JAM3: variants seen among roughly 807,000 people sequenced by gnomAD.
The protein encoded by JAM3 is junctional adhesion molecule 3.
JAM3 carries 31 observed loss-of-function variants against 39.4 expected under a neutral mutation model. That is an observed-to-expected ratio of 0.79 (90% CI 0.59 to 1.06). The LOEUF (loss-of-function observed/expected upper bound fraction) is 1.06, where lower values mean the gene tolerates loss of function less well. Among genes scored for constraint, JAM3 ranks in the 50% least tolerant of loss-of-function variants. The pLI is 0.00. For synonymous variants in JAM3, 182 were observed against 148.7 expected, an observed-to-expected ratio of 1.22 and a Z score of -1.63; for missense variants, 455 against 391.4, an observed-to-expected ratio of 1.16 and a Z score of -1.37.
At chr11:134,095,082 A>C (rs1941953208) in intron 1 of JAM3, among the ~76,000 whole-genome samples, 1 of 152,228 alleles carries the variant, frequency 6.6e-6, no homozygotes, top group Admixed American at 6.5e-5. Context: ...ATTTAGTTAA[A>C]TTTCAGTAAT....
intron 1 of JAM3, among the ~76,000 whole-genome samples, chr11:134,108,640 T>C (rs1004218147): frequency 4.6e-5 from 7 of 152,190 alleles, no homozygotes; most frequent in African/African-American, 1.7e-4. Context: ...GCAAGGTTGG[T>C]TTAACATATG....
chr11:134,136,347 G>A lies in JAM3; in HGVS notation c.77-3504G>A, dbSNP rs765051991. Among the ~76,000 whole-genome samples, 63 of 152,258 alleles carry A rather than the reference G, an allele frequency of 4.1e-4. 1 individual carries two copies. The highest frequency in any genetic ancestry group is 3.4e-3 in the Middle Eastern group (1 of 294). ...ACCCATCTCCTAAGTACTTCTGTCC[G>A]AATCTTATCCCCAGGCATTGGGCAG... On this transcript the variant is annotated intron_variant, in intron 1 of 8. Coordinates refer to ENST00000299106, the MANE Select transcript of JAM3 (RefSeq NM_032801.5).
chr11:134,124,984 G>A (rs1942616768), intron 1 of JAM3, among the ~76,000 whole-genome samples: 2 of 151,818 alleles, frequency 1.3e-5, no homozygotes, highest in South Asian at 2.1e-4. Flanking sequence ...CTGCGGCAGC[G>A]GCGACGACAC....
At chr11:134,121,825 A>G (rs11223701) in intron 1 of JAM3, among the ~76,000 whole-genome samples, 3,382 of 123,190 alleles carry the variant, frequency 0.027, 91 homozygotes, top group African/African-American at 0.091. Context: ...GTGTGCGCAC[A>G]CACACACACA....
intron 1 of JAM3, among the ~76,000 whole-genome samples, chr11:134,106,182 A>G (rs1374537006): frequency 6.6e-6 from 1 of 152,196 alleles, no homozygotes; most frequent in African/African-American, 2.4e-5. Flanking sequence ...GAGCCCTCAG[A>G]AATAATACCA....
At chr11:134,133,126 C>T (rs572886041) in intron 1 of JAM3, among the ~76,000 whole-genome samples, 2 of 152,176 alleles carry the variant, frequency 1.3e-5, no homozygotes, top group African/African-American at 2.4e-5. Context: ...ACCAGAAGTT[C>T]TGCATGTTGG....
chr11:134,120,966 C>T (rs1474242657), intron 1 of JAM3, among the ~76,000 whole-genome samples: 3 of 152,208 alleles, frequency 2.0e-5, no homozygotes, highest in Non-Finnish European at 2.9e-5. Flanking sequence ...GGAAAGCAGG[C>T]GTCATCCTCA....
At chr11:134,129,442 A>G (rs1284919767) in intron 1 of JAM3, among the ~76,000 whole-genome samples, 1 of 152,020 alleles carries the variant, frequency 6.6e-6, no homozygotes, top group East Asian at 1.9e-4. Context: ...TAAGGACACT[A>G]GTCATATTGG....
chr11:134,111,130 C>T (rs979058198), intron 1 of JAM3, among the ~76,000 whole-genome samples: 1 of 131,640 alleles, frequency 7.6e-6, no homozygotes, highest in African/African-American at 3.3e-5. Flanking sequence ...AACACACATC[C>T]ATCTTTTTTT....
At position 134,069,151 on chromosome 11, in the gene JAM3, T is replaced by A; in HGVS notation, c.68T>A (p.Leu23His). Reference protein sequence around the residue: ...ARLPDFFLLLLFRGCLIGAVN... With the variant: ...ARLPDFFLLLHFRGCLIGAVN... ...CTGCCTGACTTCTTCCTGCTGCTGC[T>A]TTTCAGGGGTGAGTTTGCGCGTTTC... Residue 23 changes from leucine (L) to histidine (H), a missense_variant, in exon 1 of 9, where the codon CTT becomes CAT. By Grantham distance (99) the Leu-to-His change is moderately conservative. Coordinates refer to ENST00000299106, the MANE Select transcript of JAM3 (RefSeq NM_032801.5). 1 of 1,612,844 alleles carries A rather than the reference T, an allele frequency of 6.2e-7. No individual in the cohort carries two copies. Among genetic ancestry groups the A allele is most frequent in the Non-Finnish European group, 8.5e-7 (1 of 1,179,368 alleles).
At chr11:134,082,381 A>G (rs1278843463) in intron 1 of JAM3, among the ~76,000 whole-genome samples, 2 of 152,062 alleles carry the variant, frequency 1.3e-5, no homozygotes, top group African/African-American at 4.8e-5. Flanking sequence ...GAGATTTGGG[A>G]GGGGCCAGGG....
rs1943150711 is a variant in JAM3 at position 134,149,504 on chromosome 11, C to T, written c.*323C>T. Reference sequence around the variant, plus strand: ...CTTAAAGAGTTTGCTCACGTAAACGCCCGTGCTGGGCCCTGTGAAGCCAGC... The same window carrying T: ...CTTAAAGAGTTTGCTCACGTAAACGTCCGTGCTGGGCCCTGTGAAGCCAGC... On this transcript the variant is annotated 3_prime_UTR_variant, in exon 9 of 9. Coordinates refer to ENST00000299106, the MANE Select transcript of JAM3 (RefSeq NM_032801.5). The T allele has an allele frequency of 5.9e-6, 3 of 507,778 alleles. No individual in the cohort carries two copies. The East Asian group carries it at 1.3e-4, about 23-fold the overall frequency. The allele number at this position is 507,778 out of a possible 1,614,324, so 31.5% of individuals were successfully genotyped here.
intron 1 of JAM3, among the ~76,000 whole-genome samples, chr11:134,116,531 G>A (rs922296585): frequency 6.6e-6 from 1 of 152,082 alleles, no homozygotes; most frequent in African/African-American, 2.4e-5. Flanking sequence ...AGCTCTTTCA[G>A]GTGGCTGGGA....
chr11:134,079,703 T>G (rs1054586895), intron 1 of JAM3, among the ~76,000 whole-genome samples: 3 of 152,264 alleles, frequency 2.0e-5, no homozygotes, highest in Admixed American at 2.0e-4. Flanking sequence ...CATCCACATT[T>G]CTTTCCCTTT....
intron 1 of JAM3, among the ~76,000 whole-genome samples, chr11:134,091,505 A>G (rs1371901825): frequency 6.8e-6 from 1 of 146,402 alleles, no homozygotes; most frequent in East Asian, 2.3e-4. Context: ...TCTCTAAATA[A>G]ATAGATAGAT....
At chr11:134,124,377 G>GA (rs1420514056) in intron 1 of JAM3, 8 of 655,370 alleles carry the variant, frequency 1.2e-5, no homozygotes, top group East Asian at 2.5e-5. Context: ...TGGGAAAAGT[G>GA]AAAGAAATCA....
At chr11:134,085,736 C>T (rs752438598) in intron 1 of JAM3, among the ~76,000 whole-genome samples, 9 of 152,120 alleles carry the variant, frequency 5.9e-5, no homozygotes, top group Non-Finnish European at 1.2e-4. Context: ...GACTTGAGGA[C>T]GGGAAGCTTG....
intron 1 of JAM3, among the ~76,000 whole-genome samples, chr11:134,112,827 T>C (rs1942343481): frequency 6.6e-6 from 1 of 152,174 alleles, no homozygotes; most frequent in African/African-American, 2.4e-5. Context: ...TGTAAGAGGA[T>C]ATGACCTCCA....
intron 1 of JAM3, among the ~76,000 whole-genome samples, chr11:134,116,781 C>A (rs898378059): frequency 6.6e-6 from 1 of 151,844 alleles, no homozygotes; most frequent in South Asian, 2.1e-4. Flanking sequence ...TATTTATATC[C>A]ACGTATACAC....
Sources: gnomAD v4.1 joint callset for allele counts (sites outside exome capture counted in the v4.1 genomes callset) on GRCh38, gnomAD v4.1.1 for gene constraint, MANE v1.5 for transcripts, NCBI Gene and HGNC (gene_info 2026-07-23, HGNC 2026-07-21) for gene names.